Variants in SNRPC observed in about 807,000 individuals in gnomAD.
SNRPC encodes U1 small nuclear ribonucleoprotein C.
Under a neutral mutation model 20.0 loss-of-function variants are expected in SNRPC, and 5 were observed. That is an observed-to-expected ratio of 0.25 (90% CI 0.13 to 0.53). The LOEUF (loss-of-function observed/expected upper bound fraction) is 0.53. Ranked by LOEUF, SNRPC falls within the 20% of genes least tolerant of loss-of-function variation. The pLI is 0.96. For synonymous variants in SNRPC, 61 were observed against 58.7 expected (o/e 1.04, Z -0.18); for missense variants, 112 against 224.1 (o/e 0.50, Z 3.19).
chr6:34,773,428 CTTTG>C lies in SNRPC; in HGVS notation c.356-14_356-11del. Reference sequence around the variant, plus strand: ...TTCTGACTCCCTTTTTCTCCCTCTTCTTTGTTTTGTCCTGCAGCTCCTGGAATGA... The same window carrying C: ...TTCTGACTCCCTTTTTCTCCCTCTTCTTTTGTCCTGCAGCTCCTGGAATGA... On this transcript the variant is annotated splice_polypyrimidine_tract_variant and intron_variant, in intron 5 of 5. Transcript: ENST00000244520. This position sits in a 1 kb window ranked among gnomAD's most constrained non-coding sequence, Gnocchi z 4.1. 6.2e-7 allele frequency: 1 copy of C among 1,610,406 alleles called. No homozygotes were observed. Among genetic ancestry groups the C allele is most frequent in the Non-Finnish European group, 8.5e-7 (1 of 1,178,172 alleles).
At chr6:34,761,326 G>C (rs1764532551) in intron 2 of SNRPC, among the ~76,000 whole-genome samples, 2 of 151,612 alleles carry the variant, frequency 1.3e-5, no homozygotes, top group Admixed American at 6.6e-5. Context: ...TTTTAGTAGA[G>C]ACAGTTTCGC....
At chr6:34,757,640 C>T in intron 1 of SNRPC, 89 bp downstream of exon 1, 4 of 1,446,848 alleles carry the variant, frequency 2.8e-6, no homozygotes, top group Non-Finnish European at 3.9e-6. Flanking sequence ...GTTTCTGAAA[C>T]CTCGAGGGAT....
intron 2 of SNRPC, among the ~76,000 whole-genome samples, chr6:34,760,340 C>G (rs1764519364): frequency 6.6e-6 from 1 of 151,860 alleles, no homozygotes; most frequent in Non-Finnish European, 1.5e-5. Flanking sequence ...CCTCAGCCTC[C>G]CAAAGTGCTG....
chr6:34,772,137 A>G (rs577755053), intron 5 of SNRPC, among the ~76,000 whole-genome samples: 184 of 152,304 alleles, frequency 1.2e-3, no homozygotes, highest in African/African-American at 4.4e-3. Context: ...TGGGGAGTAT[A>G]GATAAAGTTG....
chr6:34,760,101 T>G (rs1012230704), intron 2 of SNRPC, among the ~76,000 whole-genome samples: 1 of 150,814 alleles, frequency 6.6e-6, no homozygotes, highest in African/African-American at 2.5e-5. Context: ...ATTATAGTTC[T>G]GTATATTATC....
chr6:34,761,513 ATTTTTTTTTTTTTT>A (rs869059984), intron 2 of SNRPC, among the ~76,000 whole-genome samples: 1 of 85,650 alleles, frequency 1.2e-5, no homozygotes, highest in Non-Finnish European at 2.1e-5. Flanking sequence ...ACAAGGAACA[ATTTTTTTTTTTTTT>A]TTTTTTTTTT....
intron 3 of SNRPC, among the ~76,000 whole-genome samples, chr6:34,764,829 C>G (rs529421704): frequency 1.3e-5 from 2 of 152,118 alleles, no homozygotes; most frequent in South Asian, 4.2e-4. Flanking sequence ...TGAGACCAGC[C>G]TGACCAACAT....
chr6:34,768,757 A>C (rs1764647958), intron 4 of SNRPC, among the ~76,000 whole-genome samples: 1 of 150,910 alleles, frequency 6.6e-6, no homozygotes, highest in Non-Finnish European at 1.5e-5. Context: ...TTGTCTCAAA[A>C]AAAAAAAAAA....
chr6:34,771,301 C>T (rs1229507417), intron 5 of SNRPC, among the ~76,000 whole-genome samples: 6 of 147,534 alleles, frequency 4.1e-5, no homozygotes, highest in Non-Finnish European at 7.4e-5. Flanking sequence ...TGCACTCCAG[C>T]CTGGGTGACA....
At chr6:34,768,049 G>T in intron 4 of SNRPC, 52 bp downstream of exon 4, 2 of 1,503,110 alleles carry the variant, frequency 1.3e-6, no homozygotes, top group Non-Finnish European at 1.8e-6. Context: ...GCTATCCTTT[G>T]ATTAGGTTAG....
intron 2 of SNRPC, among the ~76,000 whole-genome samples, chr6:34,759,370 T>C (rs576249132): frequency 5.3e-5 from 8 of 152,354 alleles, no homozygotes; most frequent in Admixed American, 3.9e-4. Flanking sequence ...GGAAGGAGGA[T>C]TGCTTGAGCC....
intron 5 of SNRPC, chr6:34,772,859 A>G (rs1029481545): frequency 2.0e-5 from 3 of 152,200 alleles, no homozygotes; most frequent in African/African-American, 7.2e-5. Flanking sequence ...GAAATGCATT[A>G]GAAAAATCAG....
chr6:34,758,476 C>T (rs931571438), intron 2 of SNRPC, among the ~76,000 whole-genome samples: 4 of 152,068 alleles, frequency 2.6e-5, no homozygotes, highest in African/African-American at 7.2e-5. Context: ...CCACCACGCC[C>T]GGCTAATTTT....
intron 2 of SNRPC, among the ~76,000 whole-genome samples, chr6:34,759,550 A>G (rs1764505797): frequency 6.6e-6 from 1 of 152,250 alleles, no homozygotes; most frequent in Admixed American, 6.5e-5. Flanking sequence ...TTTTTAATAA[A>G]AATTAATAAT....
At chr6:34,759,446 G>GA (rs1216971577) in intron 2 of SNRPC, among the ~76,000 whole-genome samples, 4 of 152,246 alleles carry the variant, frequency 2.6e-5, no homozygotes, top group Admixed American at 2.0e-4. Context: ...GCTTTTCCTT[G>GA]AAAGAGCATC....
chr6:34,767,817 G>T lies in SNRPC; in HGVS notation c.161-91G>T, dbSNP rs187735129. On this transcript the variant is annotated intron_variant, in intron 3 of 5. Transcript: ENST00000244520. The stretch of plus-strand genomic sequence containing the variant: ...TAGCAAGAGTAAAGTAATTGGAACC[G>T]TTGAAGACTTAAAGAAAGTGGTTAT... The T allele has an allele frequency of 1.2e-4, 155 of 1,294,524 alleles. No homozygotes were observed. The African/African-American group carries it at 2.2e-3, about 18-fold the overall frequency. 80.2% of individuals were successfully genotyped at this position (1,294,524 alleles called of 1,614,324 possible).
At chr6:34,760,577 CTAT>C (rs1243260877) in intron 2 of SNRPC, among the ~76,000 whole-genome samples, 1 of 151,996 alleles carries the variant, frequency 6.6e-6, no homozygotes, top group African/African-American at 2.4e-5. Context: ...TTTAATATAC[CTAT>C]TATTCACCTT....
In SNRPC at chr6:34,770,222, C is replaced by CA. The variant is rs201046400; in HGVS notation, c.251-60dup. The CA allele has an allele frequency of 4.1e-3, 4,679 of 1,152,450 alleles. 29 individuals carry two copies. Among genetic ancestry groups the CA allele is most frequent in the African/African-American group, 0.028 (1,787 of 64,934 alleles). 71.4% of individuals were successfully genotyped at this position (1,152,450 alleles called of 1,614,324 possible). A position where few individuals can be genotyped will look rare whatever the true frequency, so the allele number is the denominator to read the frequency against. On this transcript the variant is annotated intron_variant, in intron 4 of 5. Coordinates refer to ENST00000244520, the MANE Select transcript of SNRPC (RefSeq NM_003093.3). ...GGGCAACAAGAACGAAACTCCGTCT[C>CA]AAAAAAAAAGAAGAGAAAATGTTAA...
At chr6:34,761,814 C>T in intron 2 of SNRPC, among the ~76,000 whole-genome samples, 1 of 151,724 alleles carries the variant, frequency 6.6e-6, no homozygotes, top group East Asian at 1.9e-4. Context: ...CAGCCAGGAA[C>T]AATTTTTTTT....
Sources: allele counts gnomAD v4.1 joint callset (sites outside exome capture counted in the v4.1 genomes callset), GRCh38; gene constraint gnomAD v4.1.1; non-coding constraint Gnocchi (gnomAD v3.1); transcripts MANE v1.5; gene names NCBI Gene and HGNC (gene_info 2026-07-23, HGNC 2026-07-21).